Variants in DIP2C observed in about 807,000 individuals in gnomAD.
DIP2C encodes disco-interacting protein 2 homolog C.
In DIP2C, 33 loss-of-function variants were observed where a neutral mutation model predicts 192.4. The ratio of observed to expected loss-of-function variants is 0.17; its 90% CI spans 0.13 to 0.23. The LOEUF (loss-of-function observed/expected upper bound fraction) is 0.23, where lower values mean the gene tolerates loss of function less well. Ranked by LOEUF, DIP2C falls within the 10% of genes least tolerant of loss-of-function variation. The pLI is 1.00. For missense variants in DIP2C, 1,537 were observed against 2,110.1 expected (o/e 0.73, Z 5.32); for synonymous variants, 979 against 864.1 (o/e 1.13, Z -2.33).
At chr10:498,471 G>A (rs1845009467) in intron 1 of DIP2C, among the ~76,000 whole-genome samples, 1 of 152,134 alleles carries the variant, frequency 6.6e-6, no homozygotes, top group Non-Finnish European at 1.5e-5. Context: ...CCTCCCCTCA[G>A]GGGTCCTGCT....
chr10:583,290 CCT>C (rs1240830293), intron 1 of DIP2C, among the ~76,000 whole-genome samples: 2 of 152,236 alleles, frequency 1.3e-5, no homozygotes, highest in African/African-American at 4.8e-5. Flanking sequence ...GAACGGAGCA[CCT>C]CTCTTAGCAG....
intron 1 of DIP2C, among the ~76,000 whole-genome samples, chr10:615,599 A>C (rs1006188963): frequency 1.3e-5 from 2 of 151,836 alleles, no homozygotes; most frequent in African/African-American, 4.9e-5. Flanking sequence ...ATGCCAGAAG[A>C]GATGTAGGTT....
intron 3 of DIP2C, among the ~76,000 whole-genome samples, chr10:471,090 T>C (rs918772110): frequency 2.0e-4 from 30 of 151,832 alleles, no homozygotes; most frequent in Non-Finnish European, 3.5e-4. Context: ...TTAAGACAGG[T>C]GTGAAACAAC....
At position 449,052 on chromosome 10, in the gene DIP2C, A is replaced by G. The variant is rs375188986; in HGVS notation, c.269-8056T>C. 6.1e-3 allele frequency among the ~76,000 whole-genome samples: 892 copies of G among 146,960 alleles called. 1 individual carries two copies. Among genetic ancestry groups the G allele is most frequent in the African/African-American group, 9.1e-3 (357 of 39,344 alleles). On this transcript the variant is annotated intron_variant, in intron 3 of 36. Coordinates refer to ENST00000280886, the MANE Select transcript of DIP2C (RefSeq NM_014974.3). ...TACTCAGGATCACACACAGTGGGGC[A>G]GCAGGACCTGCTCACTCCCGTCGAT...
chr10:350,771 T>C (rs1301066835), intron 24 of DIP2C, among the ~76,000 whole-genome samples: 1 of 151,496 alleles, frequency 6.6e-6, no homozygotes, highest in East Asian at 2.0e-4. Context: ...CTCAGCCTCC[T>C]GGGCAGCTGG....
At chr10:589,781 C>T (rs373326257) in intron 1 of DIP2C, among the ~76,000 whole-genome samples, 1 of 152,192 alleles carries the variant, frequency 6.6e-6, no homozygotes, top group African/African-American at 2.4e-5. Flanking sequence ...CTGCCCTATG[C>T]AGAGGTGAGG....
chr10:609,921 C>A (rs1483734951), intron 1 of DIP2C, among the ~76,000 whole-genome samples: 1 of 152,078 alleles, frequency 6.6e-6, no homozygotes, highest in African/African-American at 2.4e-5. Context: ...CTAGTGGAAG[C>A]GAGGGGCACA....
chr10:422,685 A>G, intron 5 of DIP2C, 139 bp downstream of exon 5: 6 of 1,045,360 alleles, frequency 5.7e-6, no homozygotes, highest in Non-Finnish European at 4.1e-6. Context: ...GAAACAATCC[A>G]GCCAAAGCAC....
chr10:642,526 C>T (rs1016766133), intron 1 of DIP2C, among the ~76,000 whole-genome samples: 1 of 152,276 alleles, frequency 6.6e-6, no homozygotes, highest in Admixed American at 6.5e-5. Flanking sequence ...AGTCAAACAG[C>T]TTCACCCTCC....
In DIP2C at chr10:672,415, G is replaced by C. The variant is rs1324958580; in HGVS notation, c.85+17079C>G. ...GGCCATGCACTGTCCACTCCCACTA[G>C]GGACTCCCCGCCCCAGAGCACCCAG... On this transcript the variant is annotated intron_variant, in intron 1 of 36. Transcript: ENST00000280886. Among the ~76,000 whole-genome samples, 6 of 152,222 alleles carry C rather than the reference G, an allele frequency of 3.9e-5. 1 individual carries two copies. Among genetic ancestry groups the C allele is most frequent in the African/African-American group, 1.4e-4 (6 of 41,452 alleles).
chr10:533,320 G>T lies in DIP2C; in HGVS notation c.86-46790C>A, dbSNP rs78936979. Among the ~76,000 whole-genome samples, 112 of 152,202 alleles carry T rather than the reference G, an allele frequency of 7.4e-4. 5 individuals are homozygous for T. In the East Asian group the frequency reaches 0.02, roughly 27 times the overall value. On this transcript the variant is annotated intron_variant, in intron 1 of 36. Transcript: ENST00000280886. ...CTGCTTTCCAGAACATCTAGCTGCC[G>T]GATTAACTTCACAGCCACCAGATTC...
At chr10:610,061 G>A (rs903357433) in intron 1 of DIP2C, among the ~76,000 whole-genome samples, 2 of 152,174 alleles carry the variant, frequency 1.3e-5, no homozygotes, top group Admixed American at 6.5e-5. Flanking sequence ...CAGCAGCCAA[G>A]ATCCGGAATC....
intron 31 of DIP2C, among the ~76,000 whole-genome samples, chr10:314,549 C>T (rs1956696273): frequency 6.6e-6 from 1 of 152,230 alleles, no homozygotes; most frequent in Non-Finnish European, 1.5e-5. Context: ...GATCACCCAG[C>T]AGCTGGACGC....
chr10:492,024 G>T (rs1844483857), intron 1 of DIP2C, among the ~76,000 whole-genome samples: 2 of 152,078 alleles, frequency 1.3e-5, no homozygotes, highest in Non-Finnish European at 2.9e-5. Context: ...TCAAAATCCC[G>T]ACCCCAGAAA....
intron 5 of DIP2C, among the ~76,000 whole-genome samples, chr10:421,309 G>C (rs1966166716): frequency 1.3e-5 from 2 of 152,336 alleles, no homozygotes; most frequent in South Asian, 2.1e-4. Flanking sequence ...CCCGCAAAGG[G>C]AGGCCAAGTG....
At chr10:629,256 C>T (rs564952364) in intron 1 of DIP2C, among the ~76,000 whole-genome samples, 8 of 152,114 alleles carry the variant, frequency 5.3e-5, no homozygotes, top group South Asian at 2.1e-4. Flanking sequence ...TCCCAAGAGG[C>T]GGCTGTGAGG....
chr10:539,536 C>T (rs1001636517), intron 1 of DIP2C, among the ~76,000 whole-genome samples: 2 of 152,166 alleles, frequency 1.3e-5, no homozygotes, highest in Admixed American at 6.5e-5. Context: ...AGTCCTGCAA[C>T]CCACCCCCAT....
chr10:459,945 G>A lies in DIP2C; in HGVS notation c.268+12494C>T, dbSNP rs1031164145. Among the ~76,000 whole-genome samples, 4 of 144,882 alleles carry A rather than the reference G, an allele frequency of 2.8e-5. No homozygotes were observed. The South Asian group carries it at 6.6e-4, about 24-fold the overall frequency. On this transcript the variant is annotated intron_variant, in intron 3 of 36. Coordinates refer to ENST00000280886, the MANE Select transcript of DIP2C (RefSeq NM_014974.3). ...TCAGGGAACCAACCACCTGCTGCAC[G>A]TGAGCTCTAGGACCTTCCCACAGTC...
intron 3 of DIP2C, among the ~76,000 whole-genome samples, chr10:446,384 CTG>C (rs1334153538): frequency 5.9e-5 from 9 of 151,444 alleles, no homozygotes; most frequent in African/African-American, 2.2e-4. Flanking sequence ...CTGTATACCT[CTG>C]TTGTGAAGAG....
Sources: allele counts gnomAD v4.1 joint callset (sites outside exome capture counted in the v4.1 genomes callset), GRCh38; gene constraint gnomAD v4.1.1; transcripts MANE v1.5; gene names NCBI Gene and HGNC (gene_info 2026-07-23, HGNC 2026-07-21).